The following AKAP3 variants were observed in gnomAD, a reference collection of about 807,000 sequenced individuals.
The protein encoded by AKAP3 is A-kinase anchoring protein 3, also known as A-kinase anchor protein 3.
In AKAP3, 27 loss-of-function variants were observed where a neutral mutation model predicts 57.2. That is an observed-to-expected ratio of 0.47 (90% CI 0.35 to 0.65). AKAP3 has a LOEUF of 0.65. AKAP3 is among the 30% of genes least tolerant of loss of function. AKAP3 has a pLI of 0.01. For synonymous variants in AKAP3, 334 were observed against 392.3 expected (o/e 0.85, Z 1.76); for missense variants, 959 against 1,040.0 (o/e 0.92, Z 1.07).
intron 5 of AKAP3, among the ~76,000 whole-genome samples, chr12:4,624,870 C>G (rs534767380): frequency 4.2e-4 from 28 of 66,634 alleles, no homozygotes; most frequent in African/African-American, 1.0e-3. Flanking sequence ...ATTTTAGATA[C>G]ATGTTTCAAT....
chr12:4,645,658 A>T (rs753315979), intron 1 of AKAP3: 1 of 152,130 alleles, frequency 6.6e-6, no homozygotes, highest in African/African-American at 2.4e-5. Flanking sequence ...TCAAGCTCCT[A>T]TGAGAATCTA....
In AKAP3 at chr12:4,628,538, C is replaced by G. The variant is rs141418694; in HGVS notation, c.364G>C (p.Asp122His). ...CGGTTAGCATAGAAGGAAACTTCAT[C>G]TACTGAACTCCCGTTGCCAAGTTGG... is the stretch of plus-strand genomic sequence containing the variant. ...RAQLGNGSSV[D>H]EVSFYANRLT... The change falls in exon 5 of 6, where the codon GAT (aspartate) becomes CAT (histidine). Residue 122 changes from aspartate to histidine, a missense_variant. Physicochemically the swap from Asp to His is moderately conservative, Grantham distance 81 (BLOSUM62 -1). Transcript: ENST00000228850. The G allele has an allele frequency of 6.2e-7, 1 of 1,614,188 alleles. No homozygotes were observed. Among genetic ancestry groups the G allele is most frequent in the African/African-American group, 1.3e-5 (1 of 75,056 alleles).
At chr12:4,646,637 A>G (rs969392222) in intron 1 of AKAP3, among the ~76,000 whole-genome samples, 1 of 151,460 alleles carries the variant, frequency 6.6e-6, no homozygotes, top group Non-Finnish European at 1.5e-5. Flanking sequence ...GCACCATTGC[A>G]CTCCAGCCTG....
At chr12:4,635,870 C>T in intron 4 of AKAP3, 1 of 667,902 alleles carries the variant, frequency 1.5e-6, no homozygotes, top group Non-Finnish European at 2.7e-6. Flanking sequence ...CGTCTATTTT[C>T]TGGCTAAGAA....
chr12:4,636,473 TA>T (rs1945567176), intron 4 of AKAP3, among the ~76,000 whole-genome samples: 1 of 152,216 alleles, frequency 6.6e-6, no homozygotes, highest in Admixed American at 6.5e-5. Context: ...TCTCACTTAG[TA>T]AAAAATCACT....
intron 2 of AKAP3, among the ~76,000 whole-genome samples, chr12:4,643,935 C>A (rs977152314): frequency 4.6e-5 from 7 of 152,146 alleles, no homozygotes; most frequent in African/African-American, 1.7e-4. Context: ...AGTACTTGAT[C>A]GAGTTTTGAG....
At chr12:4,620,474 CA>C (rs35307509) in intron 5 of AKAP3, among the ~76,000 whole-genome samples, 2,911 of 82,582 alleles carry the variant, frequency 0.035, 23 homozygotes, top group Non-Finnish European at 0.038. Context: ...GAGACTGTCT[CA>C]AAAAAAAAAA....
rs1307957553 is a variant in AKAP3, at chr12:4,627,519, C to T, written c.1383G>A (p.Trp461Ter). The T allele has an allele frequency of 6.2e-7, 1 of 1,614,020 alleles. No homozygotes were observed. Among genetic ancestry groups the T allele is most frequent in the Admixed American group, 1.7e-5 (1 of 59,996 alleles). ...TACATTCTTTCTGCTGAGTTTTATG[C>T]CACAAGGTAAGCCCCTCTTTGATAA... ...EHIIKEGLTL[W>*]HKTQQKECKS... The change falls in exon 5 of 6, where the codon TGG becomes TGA. Residue 461 changes from tryptophan (W) to a stop codon, truncating the protein, a stop_gained. Transcript: ENST00000228850. LOFTEE classifies it high-confidence loss of function.
chr12:4,624,343 G>A (rs190597541), intron 5 of AKAP3, among the ~76,000 whole-genome samples: 6,940 of 150,094 alleles, frequency 0.046, 512 homozygotes, highest in African/African-American at 0.16. Flanking sequence ...GTGTGTGTGT[G>A]TGTGTGTGTG....
chr12:4,632,317 GTCA>G (rs375017143), intron 4 of AKAP3, among the ~76,000 whole-genome samples: 1 of 152,186 alleles, frequency 6.6e-6, no homozygotes, highest in African/African-American at 2.4e-5. Context: ...GGAAGTCGTC[GTCA>G]TGTGTAGTCG....
chr12:4,626,466 C>A, intron 5 of AKAP3, 30 bp downstream of exon 5: 1 of 1,594,444 alleles, frequency 6.3e-7, no homozygotes, highest in Non-Finnish European at 8.5e-7. Context: ...CTTAATAAAG[C>A]TTCCAAATTC....
chr12:4,628,355 C>T lies in AKAP3; in HGVS notation c.547G>A (p.Val183Ile), dbSNP rs140759485. 4.3e-5 allele frequency: 70 copies of T among 1,614,060 alleles called. No individual in the cohort carries two copies. The highest frequency in any genetic ancestry group is 5.3e-5 in the Non-Finnish European group (63 of 1,180,028). Residue 183 changes from valine to isoleucine, a missense_variant, in exon 5 of 6, where the codon GTC (valine) becomes ATC (isoleucine). Coordinates refer to ENST00000228850, the MANE Select transcript of AKAP3 (RefSeq NM_001278309.2). ...GCAGCATTCCTGGAACATGCAGAGA[C>T]GGTCTCATTCACAAGCTCTGATGCT... is the stretch of plus-strand genomic sequence containing the variant. ...KIASELVNET[V>I]SACSRNAAPD... is the part of the protein sequence containing the mutation.
intron 1 of AKAP3, among the ~76,000 whole-genome samples, chr12:4,647,035 G>A (rs1396732220): frequency 2.6e-5 from 4 of 151,894 alleles, no homozygotes; most frequent in Admixed American, 6.6e-5. Context: ...CGCCTGCCTC[G>A]ACCTCCCAAA....
rs771111003 is a variant in AKAP3 at position 4,626,965 on chromosome 12, G to A, written c.1937C>T (p.Thr646Ile). The A allele has an allele frequency of 2.5e-6, 4 of 1,614,106 alleles. No homozygotes were observed. The highest frequency in any genetic ancestry group is 1.7e-5 in the Admixed American group (1 of 60,014). Residue 646 changes from threonine (T) to isoleucine (I), a missense_variant, in exon 5 of 6, where the codon ACC becomes ATC. Thr to Ile is a moderately conservative substitution (Grantham distance 89, BLOSUM62 -1). Transcript: ENST00000228850. ...GGTCAGCCCAGAAAGGGCACCAGGG[G>A]TCTCATCATCCTCATATAGCCTGGG... ...SPPRLYEDDE[T>I]PGALSGLTKM... is the part of the protein sequence containing the mutation.
At position 4,636,351 on chromosome 12, in the gene AKAP3, C is replaced by G. The variant is rs141124993; in HGVS notation, c.96+1750G>C. Among the ~76,000 whole-genome samples the G allele has an allele frequency of 7.6e-3, 1,163 of 152,292 alleles. 16 individuals carry two copies. The highest frequency in any genetic ancestry group is 0.026 in the African/African-American group (1,101 of 41,566). On this transcript the variant is annotated intron_variant, in intron 4 of 5. Transcript: ENST00000228850. ...GCGGTGGTGGTGGCCGTGGCATCTG[C>G]TCTTTGGGCTGCTACCCTCACCGAC...
intron 5 of AKAP3, 84 bp downstream of exon 5, chr12:4,626,412 C>T (rs1398173600): frequency 6.8e-7 from 1 of 1,463,470 alleles, no homozygotes; most frequent in African/African-American, 1.4e-5. Flanking sequence ...CTGTGGCTAT[C>T]TTCCCATTCA....
At position 4,627,148 on chromosome 12, in the gene AKAP3, G is replaced by T. The variant is rs957320736; in HGVS notation, c.1754C>A (p.Ala585Glu). 1.9e-6 allele frequency: 3 copies of T among 1,613,988 alleles called. No homozygotes were observed. The African/African-American group carries it at 4.0e-5, about 22-fold the overall frequency. ...AACACTCCTTAGGTCCTTCTTTTCT[G>T]CTTGTTCTTGGTCACCTACAATGGG... ...SAPIVGDQEQAEKKDLRSVFF... is the reference protein window; with the variant it reads ...SAPIVGDQEQEEKKDLRSVFF... Residue 585 changes from alanine (A) to glutamate (E), a missense_variant, in exon 5 of 6, where the codon GCA (alanine) becomes GAA (glutamate). By Grantham distance (107) the Ala-to-Glu change is moderately radical (BLOSUM62 -1). Transcript: ENST00000228850.
chr12:4,637,971 A>T (rs1463587838), intron 4 of AKAP3, 130 bp downstream of exon 4: 1 of 830,244 alleles, frequency 1.2e-6, no homozygotes, highest in South Asian at 1.5e-5. Context: ...ATAAGGGCTG[A>T]TTTCCCACCT....
chr12:4,628,266 C>T lies in AKAP3; in HGVS notation c.636G>A (p.Leu212=). Reference sequence around the variant, plus strand: ...TGATCTTCAAAGTGGACTTGTATTTCAAATTTGGGGGACTTTGTGATGATC... The same window carrying T: ...TGATCTTCAAAGTGGACTTGTATTTTAAATTTGGGGGACTTTGTGATGATC... ...VSGSSQSPPN[L]KYKSTLKIKE... The change falls in exon 5 of 6, where the codon TTG becomes TTA. Residue 212 remains leucine (L), a synonymous_variant. Transcript: ENST00000228850. 2 of 1,614,054 alleles carry T rather than the reference C, an allele frequency of 1.2e-6. No homozygotes were observed. The highest frequency in any genetic ancestry group is 1.7e-6 in the Non-Finnish European group (2 of 1,179,946).
Sources: gnomAD v4.1 joint callset for allele counts (sites outside exome capture counted in the v4.1 genomes callset) on GRCh38, gnomAD v4.1.1 for gene constraint, MANE v1.5 for transcripts, NCBI Gene and HGNC (gene_info 2026-07-23, HGNC 2026-07-21) for gene names.